Variants in CNTNAP5 observed in about 807,000 individuals in gnomAD.
The protein encoded by CNTNAP5 is contactin-associated protein-like 5.
CNTNAP5 carries 72 observed loss-of-function variants against 150.2 expected under a neutral mutation model. The observed-to-expected ratio is 0.48, with a 90% CI of 0.40 to 0.58. CNTNAP5 has a LOEUF of 0.58. CNTNAP5 is among the 20% of genes least tolerant of loss of function. CNTNAP5 has a pLI of 0.00. For synonymous variants in CNTNAP5, 672 were observed against 619.8 expected (o/e 1.08, Z -1.25); for missense variants, 1,636 against 1,626.2 (o/e 1.01, Z -0.10).
intron 11 of CNTNAP5, among the ~76,000 whole-genome samples, chr2:124,581,556 G>T (rs904521289): frequency 2.0e-5 from 3 of 152,194 alleles, no homozygotes; most frequent in Admixed American, 6.5e-5. Flanking sequence ...AGTTCAGGCG[G>T]CAGGGACTGA....
At chr2:124,573,090 C>T (rs190752944) in intron 11 of CNTNAP5, among the ~76,000 whole-genome samples, 1 of 152,250 alleles carries the variant, frequency 6.6e-6, no homozygotes, top group African/African-American at 2.4e-5. Flanking sequence ...TGGAGTTTGA[C>T]CTTAGTTCTA....
At chr2:124,031,596 G>T (rs1396945047) in intron 1 of CNTNAP5, among the ~76,000 whole-genome samples, 2 of 152,060 alleles carry the variant, frequency 1.3e-5, no homozygotes, top group Admixed American at 6.6e-5. Context: ...TGCTATGATG[G>T]TCTTATTTAT....
chr2:124,725,995 T>C (rs905096354), intron 13 of CNTNAP5, among the ~76,000 whole-genome samples: 1 of 152,098 alleles, frequency 6.6e-6, no homozygotes, highest in Non-Finnish European at 1.5e-5. Context: ...GATATATATG[T>C]ATGTGTATAT....
intron 1 of CNTNAP5, among the ~76,000 whole-genome samples, chr2:124,132,217 T>A (rs1683868633): frequency 6.6e-6 from 1 of 152,266 alleles, no homozygotes; most frequent in South Asian, 2.1e-4. Context: ...AACCTATCGC[T>A]TCTCCTTGAC....
chr2:124,464,341 CA>C (rs1558914368), intron 6 of CNTNAP5, among the ~76,000 whole-genome samples: 1 of 151,666 alleles, frequency 6.6e-6, no homozygotes, highest in African/African-American at 2.4e-5. Context: ...CTATCACTGG[CA>C]AAAAAGAAAT....
At chr2:124,783,722 G>A (rs1042085657) in intron 17 of CNTNAP5, among the ~76,000 whole-genome samples, 1 of 152,118 alleles carries the variant, frequency 6.6e-6, no homozygotes, top group Non-Finnish European at 1.5e-5. Flanking sequence ...AATCAATGAA[G>A]CATGTAGAAG....
intron 11 of CNTNAP5, among the ~76,000 whole-genome samples, chr2:124,606,277 A>G (rs1697104842): frequency 6.6e-6 from 1 of 152,180 alleles, no homozygotes; most frequent in Non-Finnish European, 1.5e-5. Context: ...GGATGGGGGA[A>G]TGGAAAGTTG....
At chr2:124,513,825 C>G (rs1017492164) in intron 8 of CNTNAP5, among the ~76,000 whole-genome samples, 3 of 152,142 alleles carry the variant, frequency 2.0e-5, no homozygotes, top group Non-Finnish European at 4.4e-5. Context: ...AGTGCTCACT[C>G]TGTGGAATGC....
intron 14 of CNTNAP5, among the ~76,000 whole-genome samples, chr2:124,753,785 A>T (rs538653286): frequency 4.6e-5 from 7 of 152,288 alleles, no homozygotes; most frequent in Non-Finnish European, 8.8e-5. Flanking sequence ...GCCATTCCAC[A>T]ATTTATACAT....
intron 17 of CNTNAP5, among the ~76,000 whole-genome samples, chr2:124,779,909 C>T (rs993320234): frequency 1.3e-5 from 2 of 152,140 alleles, no homozygotes; most frequent in African/African-American, 4.8e-5. Context: ...TGTTTCATCT[C>T]CCCTTTCTAG....
chr2:124,699,533 G>A (rs1679475409), intron 13 of CNTNAP5, among the ~76,000 whole-genome samples: 1 of 152,146 alleles, frequency 6.6e-6, no homozygotes, highest in Admixed American at 6.5e-5. Flanking sequence ...GGCTGTGCTG[G>A]GAAATGGGAT....
In CNTNAP5 at chr2:124,830,585, T is replaced by C. The variant is rs1328559020; in HGVS notation, c.3217+32265T>C. On this transcript the variant is annotated intron_variant, in intron 19 of 23. Coordinates refer to ENST00000682447, the MANE Select transcript of CNTNAP5 (RefSeq NM_001367498.1). ...TAGAGGAATGTAAACACAAAACTAG[T>C]ACCTTGAGCAGAGGGAATACATGGC... is the stretch of plus-strand genomic sequence containing the variant. 7.2e-4 allele frequency among the ~76,000 whole-genome samples: 109 copies of C among 152,116 alleles called. 1 individual carries two copies. Among genetic ancestry groups the C allele is most frequent in the Non-Finnish European group, 1.5e-4 (10 of 67,932 alleles).
chr2:124,383,458 A>G (rs1315786482), intron 3 of CNTNAP5, among the ~76,000 whole-genome samples: 1 of 152,184 alleles, frequency 6.6e-6, no homozygotes, highest in Admixed American at 6.5e-5. Context: ...AACCGCAGTA[A>G]TAATTGATTC....
chr2:124,336,135 T>A (rs1689461104), intron 3 of CNTNAP5, among the ~76,000 whole-genome samples: 1 of 152,074 alleles, frequency 6.6e-6, no homozygotes, highest in South Asian at 2.1e-4. Flanking sequence ...AGATTTTAAA[T>A]GATATTCTTT....
chr2:124,801,487 T>C (rs1320182099), intron 19 of CNTNAP5, among the ~76,000 whole-genome samples: 1 of 152,202 alleles, frequency 6.6e-6, no homozygotes, highest in African/African-American at 2.4e-5. Context: ...TTGGAGGTCC[T>C]CAAATAATAA....
In CNTNAP5 at chr2:124,772,970, C is replaced by T. The variant is rs756576914; in HGVS notation, c.2705C>T (p.Ser902Leu). The T allele has an allele frequency of 8.7e-6, 14 of 1,613,450 alleles. No homozygotes were observed. Among genetic ancestry groups the T allele is most frequent in the Admixed American group, 6.7e-5 (4 of 59,990 alleles). Residue 902 changes from serine to leucine, a missense_variant, in exon 17 of 24, where the codon TCG becomes TTG. Physicochemically the swap from Ser to Leu is moderately radical, Grantham distance 145. Coordinates refer to ENST00000682447, the MANE Select transcript of CNTNAP5 (RefSeq NM_001367498.1). ...DNLPRSTRET[S>L]EEGHFRLQLN... ...CTTCCAAGGAGCACCAGGGAGACGT[C>T]GGAGGAGGGCCATTTTCGACTGCAG...
rs764628174 is a variant in CNTNAP5, at chr2:124,504,432, G to A, written c.1203G>A (p.Lys401=). ...SVSFQFRTWN[K]DGLLLSTELS... ...GTTTCCAGTTTCGAACATGGAACAA[G>A]GATGGTCTGCTTCTGTCCACAGAGC... Residue 401 remains lysine (K), a synonymous_variant, in exon 8 of 24, where the codon AAG becomes AAA. Coordinates refer to ENST00000682447, the MANE Select transcript of CNTNAP5 (RefSeq NM_001367498.1). 9.9e-6 allele frequency: 16 copies of A among 1,613,804 alleles called. No individual in the cohort carries two copies. In the African/African-American group the frequency reaches 1.2e-4, roughly 12 times the overall value.
At chr2:124,875,703 T>G (rs1256241232) in intron 21 of CNTNAP5, among the ~76,000 whole-genome samples, 1 of 151,082 alleles carries the variant, frequency 6.6e-6, no homozygotes, top group African/African-American at 2.4e-5. Context: ...TGAGGGTTTT[T>G]TTTTTTTTTT....
intron 1 of CNTNAP5, among the ~76,000 whole-genome samples, chr2:124,149,133 T>G (rs1163874244): frequency 1.3e-5 from 2 of 152,044 alleles, no homozygotes; most frequent in Admixed American, 6.6e-5. Context: ...AGGCTGTGGG[T>G]GTTTCGTTAA....
Sources: gnomAD v4.1 joint callset for allele counts (sites outside exome capture counted in the v4.1 genomes callset) on GRCh38, gnomAD v4.1.1 for gene constraint, MANE v1.5 for transcripts, NCBI Gene and HGNC (gene_info 2026-07-23, HGNC 2026-07-21) for gene names.